ANK1: variants seen among roughly 807,000 people sequenced by gnomAD.
ANK1 encodes ankyrin 1.
In ANK1, 51 loss-of-function variants were observed where a neutral mutation model predicts 210.4. The observed-to-expected ratio is 0.24, with a 90% CI of 0.19 to 0.31. The LOEUF is 0.31. ANK1 is among the 10% of genes least tolerant of loss of function. The pLI is 1.00. For missense variants in ANK1, 2,051 were observed against 2,504.4 expected (o/e 0.82, Z 3.86); for synonymous variants, 967 against 1,025.9 (o/e 0.94, Z 1.10).
rs563392339 is a variant in ANK1 at position 41,674,150 on chromosome 8, G to A, written c.4538-1238C>T. 1.5e-4 allele frequency among the ~76,000 whole-genome samples: 23 copies of A among 152,214 alleles called. No homozygotes were observed. The South Asian group carries it at 3.7e-3, about 25-fold the overall frequency. Reference sequence around the variant, plus strand: ...CCGCTCGGGGCCTCAGCCTCCGCTCGGGGCCTCAGCTCCTGATCACCTGCT... The same window carrying A: ...CCGCTCGGGGCCTCAGCCTCCGCTCAGGGCCTCAGCTCCTGATCACCTGCT... On this transcript the variant is annotated intron_variant, in intron 37 of 42. Coordinates refer to ENST00000289734, the MANE Select transcript of ANK1 (RefSeq NM_000037.4).
At chr8:41,865,430 T>C (rs762995388) in intron 1 of ANK1, among the ~76,000 whole-genome samples, 2 of 151,856 alleles carry the variant, frequency 1.3e-5, no homozygotes, top group Non-Finnish European at 2.9e-5. Context: ...TGGGGCTCAG[T>C]AGATACTGTG....
intron 1 of ANK1, among the ~76,000 whole-genome samples, chr8:41,860,547 C>A (rs1184744744): frequency 6.6e-6 from 1 of 152,196 alleles, no homozygotes; most frequent in East Asian, 1.9e-4. Flanking sequence ...GTTGTGTGAC[C>A]TGAGCGGGCT....
At chr8:41,760,331 T>G (rs1840110202) in intron 1 of ANK1, among the ~76,000 whole-genome samples, 1 of 152,106 alleles carries the variant, frequency 6.6e-6, no homozygotes, top group East Asian at 1.9e-4. Context: ...ATAAGTCTCA[T>G]GAGATCTGAT....
intron 1 of ANK1, among the ~76,000 whole-genome samples, chr8:41,861,684 G>A (rs753280837): frequency 8.5e-5 from 13 of 152,202 alleles, no homozygotes; most frequent in Non-Finnish European, 1.2e-4. Context: ...CCAGGCCCAC[G>A]CTAGGCACTG....
At chr8:41,720,261 T>G (rs1828911745) in intron 9 of ANK1, among the ~76,000 whole-genome samples, 1 of 152,182 alleles carries the variant, frequency 6.6e-6, no homozygotes, top group Admixed American at 6.5e-5. Context: ...TAGCCTAATA[T>G]TTCTCCTTAA....
chr8:41,748,114 T>A (rs2355256), intron 2 of ANK1, among the ~76,000 whole-genome samples: 1,886 of 152,262 alleles, frequency 0.012, 40 homozygotes, highest in African/African-American at 0.044. Flanking sequence ...GTGTCGCAGG[T>A]ACCAGGTGCC....
Position 41,692,661 on chromosome 8 carries a change from C to A in ANK1, c.3845G>T (p.Ser1282Ile). 1 of 1,613,644 alleles carries A rather than the reference C, an allele frequency of 6.2e-7. No individual in the cohort carries two copies. The highest frequency in any genetic ancestry group is 8.5e-7 in the Non-Finnish European group (1 of 1,180,006). Residue 1282 changes from serine to isoleucine, a missense_variant, in exon 31 of 43, where the codon AGC (serine) becomes ATC (isoleucine). Ser to Ile is a moderately radical substitution (Grantham distance 142). Transcript: ENST00000289734. ...CAGCCCTGTTACCTCTATGTCCCTGCTCCGGGCCACCTCCACGAAGTTCTC... is the reference window on the plus strand; with the variant it reads ...CAGCCCTGTTACCTCTATGTCCCTGATCCGGGCCACCTCCACGAAGTTCTC... ...QHENFVEVAR[S>I]RDIEVLEGMS... is the part of the protein sequence containing the mutation.
rs199880684 is a variant in ANK1, at chr8:41,661,797, G to A, written c.5544+79C>T. ...GTCCCCCAGGGCCGCGGGCGCCTCAGTACCTTGGAGTGTTTCATAAAGTAA... is the reference window on the plus strand; with the variant it reads ...GTCCCCCAGGGCCGCGGGCGCCTCAATACCTTGGAGTGTTTCATAAAGTAA... On this transcript the variant is annotated intron_variant, in intron 41 of 42. Coordinates refer to ENST00000289734, the MANE Select transcript of ANK1 (RefSeq NM_000037.4). 203 of 1,613,700 alleles carry A rather than the reference G, an allele frequency of 1.3e-4. No homozygotes were observed. In the African/African-American group the frequency reaches 2.4e-3, roughly 19 times the overall value.
chr8:41,834,690 A>G (rs1473113476), intron 1 of ANK1, among the ~76,000 whole-genome samples: 1 of 152,218 alleles, frequency 6.6e-6, no homozygotes, highest in African/African-American at 2.4e-5. Flanking sequence ...CACAAGAAGT[A>G]CAGGAATATA....
At chr8:41,764,670 C>T (rs748520193) in intron 1 of ANK1, among the ~76,000 whole-genome samples, 1 of 152,344 alleles carries the variant, frequency 6.6e-6, no homozygotes, top group Non-Finnish European at 1.5e-5. Flanking sequence ...GGTGTCTCTT[C>T]CCCTCCTCAT....
At position 41,661,573 on chromosome 8, in the gene ANK1, A is replaced by G. The variant is rs375010708; in HGVS notation, c.5545-9T>C. ...CTCCCTCTCAGCTCCACCTGCAGAC[A>G]GCAGCAGAGACAGAAAGCAGGACAG... On this transcript the variant is annotated splice_polypyrimidine_tract_variant and intron_variant, in intron 41 of 42. Transcript: ENST00000289734. 1.4e-5 allele frequency: 23 copies of G among 1,613,708 alleles called. No homozygotes were observed. The highest frequency in any genetic ancestry group is 1.9e-5 in the Non-Finnish European group (22 of 1,180,036).
At chr8:41,725,655 C>T in intron 6 of ANK1, 106 bp downstream of exon 6, 2 of 1,472,112 alleles carry the variant, frequency 1.4e-6, no homozygotes, top group Non-Finnish European at 1.8e-6. Flanking sequence ...CACTGCCCGC[C>T]CTGCACGCTC....
intron 1 of ANK1, among the ~76,000 whole-genome samples, chr8:41,889,851 T>G (rs1819092811): frequency 1.3e-5 from 2 of 152,244 alleles, no homozygotes; most frequent in Admixed American, 1.3e-4. Flanking sequence ...CTTGCAAGTA[T>G]CTAAGCCCAC....
intron 1 of ANK1, chr8:41,896,245 C>T (rs537469145): frequency 3.1e-5 from 43 of 1,376,486 alleles, no homozygotes; most frequent in Non-Finnish European, 3.9e-5. Flanking sequence ...CCGCCAACTC[C>T]GCCGCACCGG....
Position 41,758,010 on chromosome 8 carries a change from A to G in ANK1, c.129+26T>C. ...CAGGCAAGAGCTACTCTTCAGAGAC[A>G]ACAGGCCTGCCTCCATCCCACTTAC... On this transcript the variant is annotated intron_variant, in intron 2 of 42. Coordinates refer to ENST00000289734, the MANE Select transcript of ANK1 (RefSeq NM_000037.4). 4 of 1,593,880 alleles carry G rather than the reference A, an allele frequency of 2.5e-6. No homozygotes were observed. In the South Asian group the frequency reaches 4.4e-5, roughly 18 times the overall value.
chr8:41,724,240 G>C (rs1297653088), intron 7 of ANK1, among the ~76,000 whole-genome samples: 4 of 152,208 alleles, frequency 2.6e-5, no homozygotes, highest in African/African-American at 9.6e-5. Flanking sequence ...CCATTTTTAG[G>C]ATGGGCAAAT....
chr8:41,781,799 G>A (rs1446379595), intron 1 of ANK1, among the ~76,000 whole-genome samples: 2 of 152,206 alleles, frequency 1.3e-5, no homozygotes, highest in Non-Finnish European at 2.9e-5. Context: ...GGGAGGCAGA[G>A]GGTCTCCAAG....
At chr8:41,871,171 G>A (rs745722145) in intron 1 of ANK1, among the ~76,000 whole-genome samples, 17 of 152,108 alleles carry the variant, frequency 1.1e-4, no homozygotes, top group Non-Finnish European at 2.1e-4. Context: ...CCTTCCCATC[G>A]CCCCTGCATT....
intron 1 of ANK1, among the ~76,000 whole-genome samples, chr8:41,855,751 C>T (rs530872599): frequency 1.3e-5 from 2 of 152,250 alleles, no homozygotes; most frequent in South Asian, 2.1e-4. Flanking sequence ...CTCCTTTCCC[C>T]GGCATCAGCA....
Sources: gnomAD v4.1 joint callset for allele counts (sites outside exome capture counted in the v4.1 genomes callset) on GRCh38, gnomAD v4.1.1 for gene constraint, MANE v1.5 for transcripts, NCBI Gene and HGNC (gene_info 2026-07-23, HGNC 2026-07-21) for gene names.